POTEE: variants seen among roughly 807,000 people sequenced by gnomAD.
POTEE encodes POTE ankyrin domain family member E, also known as ANKRD26-like family C member 1A.
In POTEE, 21 loss-of-function variants were observed where a neutral mutation model predicts 74.2. The observed-to-expected ratio is 0.28, with a 90% CI of 0.20 to 0.41. The LOEUF (loss-of-function observed/expected upper bound fraction) is 0.41. Ranked by LOEUF, POTEE falls within the 10% of genes least tolerant of loss-of-function variation. The pLI is 1.00. For missense variants in POTEE, 525 were observed against 1,158.6 expected, an observed-to-expected ratio of 0.45 and a Z score of 7.94; for synonymous variants, 211 against 432.8, an observed-to-expected ratio of 0.49 and a Z score of 6.36.
chr2:131,223,344 T>G (rs1432620788), intron 4 of POTEE, among the ~76,000 whole-genome samples: 2 of 148,296 alleles, frequency 1.3e-5, no homozygotes, highest in Non-Finnish European at 3.0e-5. Context: ...GTGACAGAGC[T>G]TCAAGTAGGA....
At chr2:131,234,048 CTAA>C (rs1559185952) in intron 9 of POTEE, among the ~76,000 whole-genome samples, 4 of 151,008 alleles carry the variant, frequency 2.6e-5, no homozygotes, top group African/African-American at 9.9e-5. Flanking sequence ...TTGACTCTCA[CTAA>C]TAAGACTTGT....
rs188601629 is a variant in POTEE at position 131,212,014 on chromosome 2, A to G, written c.-189+831A>G. ...TCTTCTCATCTTCTTGTTCCTCTTC[A>G]TTTTCTTTTGCTGCTGCTTCTATTT... On this transcript the variant is annotated intron_variant, in intron 2 of 17. Coordinates refer to ENST00000683005, the MANE Select transcript of POTEE (RefSeq NM_001083538.3). 5.1e-3 allele frequency among the ~76,000 whole-genome samples: 773 copies of G among 150,822 alleles called. 6 individuals carry two copies. Among genetic ancestry groups the G allele is most frequent in the African/African-American group, 0.017 (681 of 41,004 alleles).
At position 131,218,829 on chromosome 2, in the gene POTEE, C is replaced by G; in HGVS notation, c.427C>G (p.Leu143Val). 1 of 1,612,810 alleles carries G rather than the reference C, an allele frequency of 6.2e-7. No homozygotes were observed. Among genetic ancestry groups the G allele is most frequent in the South Asian group, 1.1e-5 (1 of 91,008 alleles). ...CGTCCGTGGAGAAGATCTGGACAAG[C>G]TCCACAGAGCTGCCTGGTGGGGTAA... ...YHVRGEDLDKLHRAAWWGKVP... is the reference protein window; with the variant it reads ...YHVRGEDLDKVHRAAWWGKVP... The change falls in exon 4 of 18, where the codon CTC (leucine) becomes GTC (valine). Residue 143 changes from leucine to valine, a missense_variant. By Grantham distance (32) the Leu-to-Val change is conservative. Transcript: ENST00000683005.
At chr2:131,218,077 G>T (rs1700492041) in intron 3 of POTEE, 3 of 460,606 alleles carry the variant, frequency 6.5e-6, no homozygotes, top group Non-Finnish European at 1.2e-5. Context: ...TGCTGGGCTT[G>T]ACCTTTTCTC....
At chr2:131,237,357 CT>C (rs1701161887) in intron 10 of POTEE, among the ~76,000 whole-genome samples, 1 of 151,998 alleles carries the variant, frequency 6.6e-6, no homozygotes, top group African/African-American at 2.4e-5. Flanking sequence ...AAAATATATT[CT>C]GCCTTATGGT....
At chr2:131,224,120 TC>T in intron 6 of POTEE, 77 bp downstream of exon 6, 2 of 1,371,822 alleles carry the variant, frequency 1.5e-6, no homozygotes, top group Non-Finnish European at 2.0e-6. Context: ...GGGCCAGTCT[TC>T]CATATTTGGA....
At chr2:131,211,551 T>G (rs1482077088) in intron 2 of POTEE, among the ~76,000 whole-genome samples, 8 of 93,002 alleles carry the variant, frequency 8.6e-5, no homozygotes, top group Admixed American at 3.4e-4. Flanking sequence ...GCTTTTTTTT[T>G]TTTTTTTTTT....
Position 131,264,961 on chromosome 2 carries a change from G to A in POTEE, c.*278G>A, listed in dbSNP as rs1269089245. ...AAATATTGTGAGACGCATTGTTTCA[G>A]GAAGCCCCTTGCCCTGCTAAAAGCC... On this transcript the variant is annotated 3_prime_UTR_variant, in exon 18 of 18. Transcript: ENST00000683005. The A allele has an allele frequency of 1.0e-5, 6 of 584,174 alleles. No individual in the cohort carries two copies. The highest frequency in any genetic ancestry group is 1.8e-5 in the Non-Finnish European group (6 of 332,828). 36.2% of individuals were successfully genotyped at this position (584,174 alleles called of 1,614,324 possible).
intron 13 of POTEE, among the ~76,000 whole-genome samples, chr2:131,245,907 A>G (rs1208336980): frequency 2.2e-5 from 1 of 45,518 alleles, no homozygotes; most frequent in African/African-American, 5.6e-5. Flanking sequence ...AATATGAATC[A>G]TAAGGAGTGG....
intron 6 of POTEE, among the ~76,000 whole-genome samples, chr2:131,225,666 C>G (rs1277620114): frequency 1.1e-4 from 16 of 147,904 alleles, no homozygotes; most frequent in South Asian, 6.5e-4. Flanking sequence ...TCTCCAAGCT[C>G]AGATGGTCCT....
chr2:131,218,014 A>G (rs1700490307), intron 3 of POTEE: 1 of 287,452 alleles, frequency 3.5e-6, no homozygotes, highest in African/African-American at 2.3e-5. Context: ...TGGCGTTGGT[A>G]GCTTGGATTG....
At chr2:131,224,311 C>T (rs897403371) in intron 6 of POTEE, among the ~76,000 whole-genome samples, 2 of 146,224 alleles carry the variant, frequency 1.4e-5, no homozygotes, top group African/African-American at 5.1e-5. Flanking sequence ...TACTATTTTT[C>T]AATTTTTCCC....
At position 131,265,039 on chromosome 2, in the gene POTEE, G is replaced by A. The variant is rs1261910104; in HGVS notation, c.*356G>A. On this transcript the variant is annotated 3_prime_UTR_variant, in exon 18 of 18. Transcript: ENST00000683005. ...CCAGTCCTCTCCCTAGTTCACACAG[G>A]GGAGGTGATAGCATTGCTTTTGTGC... 2 of 410,458 alleles carry A rather than the reference G, an allele frequency of 4.9e-6. No homozygotes were observed. The highest frequency in any genetic ancestry group is 4.1e-5 in the Admixed American group (1 of 24,594). The allele number at this position is 410,458 out of a possible 1,614,324, so 25.4% of individuals were successfully genotyped here. A position where few individuals can be genotyped will look rare whatever the true frequency, so the allele number is the denominator to read the frequency against.
In POTEE at chr2:131,211,022, T is replaced by C. The variant is rs1338510722; in HGVS notation, c.-344-6T>C. ...TAACGTTACCACTCCCTGCATCCCATTCTAGGCTTTTCTGGCTTTGCCGGT... is the reference window on the plus strand; with the variant it reads ...TAACGTTACCACTCCCTGCATCCCACTCTAGGCTTTTCTGGCTTTGCCGGT... On this transcript the variant is annotated splice_region_variant and splice_polypyrimidine_tract_variant and intron_variant, in intron 1 of 17. Coordinates refer to ENST00000683005, the MANE Select transcript of POTEE (RefSeq NM_001083538.3). Among the ~76,000 whole-genome samples, 1 of 150,718 alleles carries C rather than the reference T, an allele frequency of 6.6e-6. No individual in the cohort carries two copies. The highest frequency in any genetic ancestry group is 1.9e-4 in the East Asian group (1 of 5,188).
chr2:131,217,838 G>A (rs1445759227), intron 3 of POTEE, among the ~76,000 whole-genome samples, 155 bp downstream of exon 3: 1 of 150,568 alleles, frequency 6.6e-6, no homozygotes, highest in Non-Finnish European at 1.5e-5. Flanking sequence ...CGCGCACGCC[G>A]CACGCGCATA....
At chr2:131,222,696 A>G (rs1397862967) in intron 4 of POTEE, among the ~76,000 whole-genome samples, 2 of 152,256 alleles carry the variant, frequency 1.3e-5, no homozygotes, top group African/African-American at 4.8e-5. Flanking sequence ...AAATCTAAGT[A>G]TTGAAAAAAA....
Position 131,218,322 on chromosome 2 carries a change from G to A in POTEE, c.-81G>A. 6.3e-7 allele frequency: 1 copy of A among 1,596,404 alleles called. No individual in the cohort carries two copies. The highest frequency in any genetic ancestry group is 8.5e-7 in the Non-Finnish European group (1 of 1,171,222). On this transcript the variant is annotated 5_prime_UTR_variant, in exon 4 of 18. Transcript: ENST00000683005. ...TCTCTTCAAACAGATTGGAAACCCG[G>A]AGTTACCTGCTAGTTGGTGAAACTG...
At chr2:131,219,530 C>G (rs1440960321) in intron 4 of POTEE, among the ~76,000 whole-genome samples, 1 of 151,798 alleles carries the variant, frequency 6.6e-6, no homozygotes, top group East Asian at 1.9e-4. Context: ...GTCAGGAGAT[C>G]GAGACCATCC....
Position 131,263,492 on chromosome 2 carries a change from T to A in POTEE, c.2037T>A (p.Asp679Glu), listed in dbSNP as rs1320642994. 8.7e-6 allele frequency: 14 copies of A among 1,611,682 alleles called. No individual in the cohort carries two copies. The highest frequency in any genetic ancestry group is 8.3e-5 in the Admixed American group (5 of 59,972). The stretch of plus-strand genomic sequence containing the variant: ...TAAGAGAAAAGAAATATTTGGAGGA[T>A]ATTGAAAGTGTGAAAAAAAAGAATG... The part of the protein sequence containing the change: ...SQLREKKYLE[D>E]IESVKKKNDN... Residue 679 changes from aspartate (D) to glutamate (E), a missense_variant, in exon 18 of 18, where the codon GAT becomes GAA. Transcript: ENST00000683005.
Sources: gnomAD v4.1 joint callset for allele counts (sites outside exome capture counted in the v4.1 genomes callset) on GRCh38, gnomAD v4.1.1 for gene constraint, MANE v1.5 for transcripts, NCBI Gene and HGNC (gene_info 2026-07-23, HGNC 2026-07-21) for gene names.